The following UBE3C variants were observed in gnomAD, a reference collection of about 807,000 sequenced individuals.
UBE3C encodes the protein ubiquitin protein ligase E3C, also known as ubiquitin-protein ligase E3C.
UBE3C carries 42 observed loss-of-function variants against 129.4 expected under a neutral mutation model. The ratio of observed to expected loss-of-function variants is 0.32; its 90% confidence interval spans 0.25 to 0.42. The LOEUF (loss-of-function observed/expected upper bound fraction) is 0.42. UBE3C is among the 10% of genes least tolerant of loss of function. The pLI, the probability that UBE3C is intolerant of heterozygous loss-of-function variation, is 1.00. For synonymous variants in UBE3C, 510 were observed against 492.4 expected (o/e 1.04, Z -0.47); for missense variants, 1,049 against 1,319.1 (o/e 0.80, Z 3.17).
intron 4 of UBE3C, among the ~76,000 whole-genome samples, chr7:157,171,042 C>T (rs1045023349): frequency 2.6e-5 from 4 of 151,814 alleles, no homozygotes; most frequent in Admixed American, 2.0e-4. Context: ...GAACTTCTAG[C>T]CTCAAGTGAT....
chr7:157,196,038 A>G (rs890644969), intron 10 of UBE3C, among the ~76,000 whole-genome samples: 7 of 152,318 alleles, frequency 4.6e-5, no homozygotes, highest in South Asian at 4.1e-4. Flanking sequence ...AGATTATGCA[A>G]TGGGACTAAT....
At chr7:157,139,984 AC>A in intron 1 of UBE3C, 1 of 985,444 alleles carries the variant, frequency 1.0e-6, no homozygotes, top group Non-Finnish European at 1.2e-6. Context: ...CTCCGGACTT[AC>A]ATCTGTTGTG....
At chr7:157,178,931 C>A (rs771646742) in intron 6 of UBE3C, 84 bp downstream of exon 6, 6 of 1,513,948 alleles carry the variant, frequency 4.0e-6, no homozygotes, top group Non-Finnish European at 5.4e-6. Flanking sequence ...TGAGCCTGTG[C>A]CCTCAGTCTC....
At chr7:157,257,738 T>A in intron 22 of UBE3C, among the ~76,000 whole-genome samples, 1 of 45,382 alleles carries the variant, frequency 2.2e-5, no homozygotes, top group Middle Eastern at 0.016. Flanking sequence ...TGAGACCCTG[T>A]CTCCAAAAAA....
At chr7:157,143,437 C>G (rs1049735042) in intron 1 of UBE3C, among the ~76,000 whole-genome samples, 1 of 152,198 alleles carries the variant, frequency 6.6e-6, no homozygotes, top group Non-Finnish European at 1.5e-5. Flanking sequence ...GGTATCACCA[C>G]CACAGGAGTT....
rs1302976040 is a variant in UBE3C, at chr7:157,174,977, G to A, written c.401G>A (p.Gly134Glu). ...TCTCTGTTTGTCAAGCAGTTGGATGGATCTGAGAGACTTACATGCTTATTT... is the reference window on the plus strand; with the variant it reads ...TCTCTGTTTGTCAAGCAGTTGGATGAATCTGAGAGACTTACATGCTTATTT... ...HSSLFVKQLD[G>E]SERLTCLFQI... is the part of the protein sequence containing the mutation. Residue 134 changes from glycine to glutamate, a missense_variant, in exon 5 of 23, where the codon GGA becomes GAA. Around this residue, in one of 4 missense-constraint regions of UBE3C, gnomAD observed 489 missense variants for 513.8 expected, o/e 0.95. Coordinates refer to ENST00000348165, the MANE Select transcript of UBE3C (RefSeq NM_014671.3). 1 of 1,612,976 alleles carries A rather than the reference G, an allele frequency of 6.2e-7. No individual in the cohort carries two copies. Among genetic ancestry groups the A allele is most frequent in the Non-Finnish European group, 8.5e-7 (1 of 1,179,586 alleles).
chr7:157,217,009 A>G (rs764270054), intron 14 of UBE3C, 38 bp downstream of exon 14: 1 of 1,487,674 alleles, frequency 6.7e-7, no homozygotes, highest in Non-Finnish European at 9.3e-7. Flanking sequence ...TATCATTAAA[A>G]AATACATTCA....
chr7:157,256,808 A>G, intron 21 of UBE3C, 106 bp from the exon 22 acceptor site: 1 of 1,452,660 alleles, frequency 6.9e-7, no homozygotes, highest in South Asian at 1.3e-5. Context: ...AAGGGACTTG[A>G]GGATCCATGG....
chr7:157,255,246 A>C (rs888195147), intron 21 of UBE3C, among the ~76,000 whole-genome samples: 5 of 152,234 alleles, frequency 3.3e-5, no homozygotes, highest in Non-Finnish European at 5.9e-5. Context: ...ATCATTAGTC[A>C]TTATAGAAAA....
intron 1 of UBE3C, among the ~76,000 whole-genome samples, chr7:157,146,125 G>GT (rs1325702394): frequency 6.6e-6 from 1 of 152,128 alleles, no homozygotes; most frequent in African/African-American, 2.4e-5. Flanking sequence ...AATTTTTGAA[G>GT]TTTTTTTGTT....
At chr7:157,224,380 G>A (rs1293790132) in intron 16 of UBE3C, among the ~76,000 whole-genome samples, 1 of 151,960 alleles carries the variant, frequency 6.6e-6, no homozygotes, top group Non-Finnish European at 1.5e-5. Flanking sequence ...ATTTTCAGTA[G>A]AGACGGGGTT....
Position 157,174,990 on chromosome 7 carries a change from T to TA in UBE3C, c.415dup (p.Thr139AsnfsTer21). The TA allele has an allele frequency of 1.2e-6, 2 of 1,612,778 alleles. No homozygotes were observed. The highest frequency in any genetic ancestry group is 1.7e-6 in the Non-Finnish European group (2 of 1,179,518). On this transcript the variant is annotated frameshift_variant, in exon 5 of 23. Transcript: ENST00000348165. LOFTEE classifies it high-confidence loss of function. ...AGCAGTTGGATGGATCTGAGAGACTTACATGCTTATTTCAGATAAAAAGAT... is the reference window on the plus strand; with the variant it reads ...AGCAGTTGGATGGATCTGAGAGACTTAACATGCTTATTTCAGATAAAAAGAT...
intron 22 of UBE3C, among the ~76,000 whole-genome samples, chr7:157,265,819 T>C (rs1439405215): frequency 6.6e-6 from 1 of 152,244 alleles, no homozygotes; most frequent in Non-Finnish European, 1.5e-5. Context: ...GTATCTGTGA[T>C]ACAGGGATGA....
At chr7:157,150,005 G>C (rs564527481) in intron 1 of UBE3C, among the ~76,000 whole-genome samples, 1 of 152,296 alleles carries the variant, frequency 6.6e-6, no homozygotes, top group African/African-American at 2.4e-5. Context: ...TCAAATTACA[G>C]GCTGTAATAC....
At chr7:157,236,352 C>G (rs1231816921) in intron 18 of UBE3C, among the ~76,000 whole-genome samples, 1 of 151,850 alleles carries the variant, frequency 6.6e-6, no homozygotes, top group African/African-American at 2.4e-5. Context: ...GGCTTTTTTT[C>G]TTGCTTTAGG....
chr7:157,202,802 T>C (rs945654083), intron 11 of UBE3C, among the ~76,000 whole-genome samples: 2 of 152,238 alleles, frequency 1.3e-5, no homozygotes, highest in African/African-American at 4.8e-5. Flanking sequence ...GCAGTCACTG[T>C]TACTGACTCC....
At chr7:157,261,050 C>T (rs1317634992) in intron 22 of UBE3C, among the ~76,000 whole-genome samples, 2 of 152,052 alleles carry the variant, frequency 1.3e-5, no homozygotes, top group African/African-American at 4.8e-5. Flanking sequence ...CACCTGTAAT[C>T]CCAGCACTTT....
At chr7:157,210,030 A>C (rs1809545315) in intron 13 of UBE3C, among the ~76,000 whole-genome samples, 1 of 152,214 alleles carries the variant, frequency 6.6e-6, no homozygotes, top group African/African-American at 2.4e-5. Context: ...GATACAAAAA[A>C]TTAGCTGGGC....
intron 21 of UBE3C, among the ~76,000 whole-genome samples, 159 bp downstream of exon 21, chr7:157,254,469 C>T (rs781248963): frequency 2.9e-4 from 44 of 151,706 alleles, no homozygotes; most frequent in Non-Finnish European, 4.7e-4. Context: ...GCGATCCCAG[C>T]TCACTGAAAC....
Sources: gnomAD v4.1 joint callset for allele counts (sites outside exome capture counted in the v4.1 genomes callset) on GRCh38, gnomAD v4.1.1 for gene constraint, gnomAD v4.1.1 regional missense constraint, MANE v1.5 for transcripts, NCBI Gene and HGNC (gene_info 2026-07-23, HGNC 2026-07-21) for gene names.